Variants in IL1RAPL2 observed in about 807,000 individuals in gnomAD.
IL1RAPL2 encodes X-linked interleukin-1 receptor accessory protein-like 2.
A neutral mutation model predicts 44.1 loss-of-function variants in IL1RAPL2; 3 were observed. The ratio of observed to expected loss-of-function variants is 0.07; its 90% CI spans 0.03 to 0.18. The LOEUF (loss-of-function observed/expected upper bound fraction) is 0.18. IL1RAPL2 is among the 10% of genes least tolerant of loss of function. The pLI is 1.00. For synonymous variants in IL1RAPL2, 181 were observed against 178.8 expected, an observed-to-expected ratio of 1.01 and a Z score of -0.10; for missense variants, 391 against 496.4, an observed-to-expected ratio of 0.79 and a Z score of 2.02.
intron 1 of IL1RAPL2, among the ~76,000 whole-genome samples, chrX:104,625,193 C>T (rs953035700): frequency 3.6e-5 from 4 of 111,727 alleles, no homozygotes; most frequent in Non-Finnish European, 7.5e-5. Flanking sequence ...TCCATCCATG[C>T]ATCCATCCAC....
intron 5 of IL1RAPL2, among the ~76,000 whole-genome samples, chrX:105,417,057 G>A (rs1669435837): frequency 8.9e-6 from 1 of 112,295 alleles, no homozygotes; most frequent in South Asian, 3.7e-4. Flanking sequence ...TTGAAATAAA[G>A]CATTTAATGA....
chrX:104,741,467 A>T (rs1359551151), intron 2 of IL1RAPL2, among the ~76,000 whole-genome samples: 1 of 110,709 alleles, frequency 9.0e-6, no homozygotes, highest in Non-Finnish European at 1.9e-5. Context: ...TGGTATCGTA[A>T]ATTTTTTTAA....
At position 104,616,811 on chromosome X, in the gene IL1RAPL2, G is replaced by A. The variant is rs143315265; in HGVS notation, c.-19-42084G>A. ...TAAAAACTCTCCTCCCTGAATGCTC[G>A]GAGACACTGATTTGAGTAATAAAAC... On this transcript the variant is annotated intron_variant, in intron 1 of 10. Transcript: ENST00000372582. Among the ~76,000 whole-genome samples, 97 of 111,422 alleles carry A rather than the reference G, an allele frequency of 8.7e-4. 1 individual carries two copies. The East Asian group carries it at 0.026, about 29-fold the overall frequency.
intron 1 of IL1RAPL2, among the ~76,000 whole-genome samples, chrX:104,629,399 T>C (rs974101292): frequency 3.6e-5 from 4 of 112,037 alleles, no homozygotes; most frequent in African/African-American, 1.3e-4. Context: ...TGAGGTTGAA[T>C]TGTTTGAGCT....
At chrX:105,360,048 G>A (rs964261385) in intron 5 of IL1RAPL2, among the ~76,000 whole-genome samples, 32 of 111,039 alleles carry the variant, frequency 2.9e-4, no homozygotes, top group Non-Finnish European at 4.9e-4. Context: ...CTCTTTGTAT[G>A]TTTTATAGTC....
At chrX:105,739,603 G>GT (rs2038480925) in intron 7 of IL1RAPL2, among the ~76,000 whole-genome samples, 1 of 102,829 alleles carries the variant, frequency 9.7e-6, no homozygotes, top group African/African-American at 3.6e-5. Context: ...GCGGTGTTTG[G>GT]TTTTTTGTTC....
intron 5 of IL1RAPL2, among the ~76,000 whole-genome samples, chrX:105,362,297 GT>G (rs1379317721): frequency 9.0e-6 from 1 of 111,542 alleles, no homozygotes; most frequent in Non-Finnish European, 1.9e-5. Context: ...ACAATTCAGT[GT>G]GATAAAACCC....
intron 2 of IL1RAPL2, among the ~76,000 whole-genome samples, chrX:104,670,368 C>A (rs888320100): frequency 9.0e-6 from 1 of 111,509 alleles, no homozygotes; most frequent in African/African-American, 3.3e-5. Flanking sequence ...ATTCCACCTT[C>A]TTCCACCTGC....
At chrX:104,730,776 T>C (rs2147571335) in intron 2 of IL1RAPL2, among the ~76,000 whole-genome samples, 2 of 110,049 alleles carry the variant, frequency 1.8e-5, no homozygotes, top group African/African-American at 6.6e-5. Context: ...TTTCTAGTTC[T>C]AGATCCCTGA....
At chrX:104,785,522 ACTGT>A (rs1409063042) in intron 2 of IL1RAPL2, among the ~76,000 whole-genome samples, 1 of 111,439 alleles carries the variant, frequency 9.0e-6, no homozygotes, top group African/African-American at 3.3e-5. Flanking sequence ...ATAGTTGGGC[ACTGT>A]CTATCTTCTC....
chrX:105,409,880 T>G (rs1415071969), intron 5 of IL1RAPL2, among the ~76,000 whole-genome samples: 1 of 101,979 alleles, frequency 9.8e-6, no homozygotes, highest in African/African-American at 3.7e-5. Flanking sequence ...AGATAGAGTG[T>G]GGGGGGGGGG....
At chrX:105,586,196 G>T (rs1302602092) in intron 6 of IL1RAPL2, among the ~76,000 whole-genome samples, 1 of 111,312 alleles carries the variant, frequency 9.0e-6, no homozygotes, top group Non-Finnish European at 1.9e-5. Flanking sequence ...CAAAGGACAT[G>T]AACAGACATT....
chrX:105,121,705 G>A (rs893891347), intron 2 of IL1RAPL2, among the ~76,000 whole-genome samples: 2 of 111,246 alleles, frequency 1.8e-5, no homozygotes, highest in African/African-American at 6.5e-5. Flanking sequence ...GAAAGAAACA[G>A]TGATTAAGAA....
At chrX:105,728,436 G>C (rs933143133) in intron 7 of IL1RAPL2, among the ~76,000 whole-genome samples, 1 of 111,782 alleles carries the variant, frequency 8.9e-6, no homozygotes, top group Admixed American at 9.5e-5. Flanking sequence ...CTAGTTGCTA[G>C]TGGTACAAAA....
chrX:105,194,905 G>T (rs1392761551), intron 2 of IL1RAPL2, among the ~76,000 whole-genome samples: 2 of 111,255 alleles, frequency 1.8e-5, no homozygotes, highest in Non-Finnish European at 3.8e-5. Flanking sequence ...TTAGCTGTGC[G>T]ACCTTGGGCA....
At chrX:104,757,015 G>C (rs774437960) in intron 2 of IL1RAPL2, among the ~76,000 whole-genome samples, 7 of 110,398 alleles carry the variant, frequency 6.3e-5, no homozygotes, top group Admixed American at 5.8e-4. Context: ...TAAAAATCTT[G>C]GTCTTCTATC....
At chrX:105,176,286 A>G (rs1335585659) in intron 2 of IL1RAPL2, among the ~76,000 whole-genome samples, 1 of 111,160 alleles carries the variant, frequency 9.0e-6, no homozygotes, top group African/African-American at 3.3e-5. Context: ...TCCCAGAGGG[A>G]AAAAGGTGAG....
rs200451049 is a variant in IL1RAPL2 at position 104,695,349 on chromosome X, AAGAG to A, written c.82+36373_82+36376del. ...TGTGGGGCAGCAGGAGAGAGAGAGA[AAGAG>A]AGAGAGAGAGAGAGAGAGCGAGCAC... On this transcript the variant is annotated intron_variant, in intron 2 of 10. Transcript: ENST00000372582. 1.9e-3 allele frequency among the ~76,000 whole-genome samples: 205 copies of A among 105,999 alleles called. 1 individual carries two copies. The highest frequency in any genetic ancestry group is 0.016 in the East Asian group (54 of 3,351). 92.0% of individuals were successfully genotyped at this position (105,999 alleles called of 115,157 possible). A position where few individuals can be genotyped will look rare whatever the true frequency, so the allele number is the denominator to read the frequency against.
intron 2 of IL1RAPL2, among the ~76,000 whole-genome samples, chrX:105,020,699 GCT>G (rs2031269980): frequency 9.0e-6 from 1 of 111,607 alleles, no homozygotes; most frequent in African/African-American, 3.2e-5. Flanking sequence ...ATATGTGTTA[GCT>G]CTTATTGCTA....
Sources: allele counts gnomAD v4.1 joint callset (sites outside exome capture counted in the v4.1 genomes callset), GRCh38; gene constraint gnomAD v4.1.1; transcripts MANE v1.5; gene names NCBI Gene and HGNC (gene_info 2026-07-23, HGNC 2026-07-21).